RGPD3: variants seen among roughly 807,000 people sequenced by gnomAD.
The protein encoded by RGPD3 is RANBP2 like and GRIP domain containing 3.
A neutral mutation model predicts 154.5 loss-of-function variants in RGPD3; 62 were observed. The observed-to-expected ratio is 0.40, with a 90% confidence interval of 0.33 to 0.50. The LOEUF (loss-of-function observed/expected upper bound fraction) is 0.50. Ranked by LOEUF, RGPD3 falls within the 20% of genes least tolerant of loss-of-function variation. RGPD3 has a pLI of 0.59. For missense variants in RGPD3, 919 were observed against 1,716.8 expected, an observed-to-expected ratio of 0.54 and a Z score of 8.21; for synonymous variants, 308 against 607.0, an observed-to-expected ratio of 0.51 and a Z score of 7.24.
chr2:106,445,188 CT>C (rs1159665305), intron 7 of RGPD3, among the ~76,000 whole-genome samples: 1 of 133,158 alleles, frequency 7.5e-6, no homozygotes, highest in Non-Finnish European at 1.6e-5. Context: ...ACTCGGGAGG[CT>C]GAGGCAGGAG....
chr2:106,468,195 G>A (rs372006418), intron 1 of RGPD3, 22 bp downstream of exon 1: 2 of 1,595,124 alleles, frequency 1.3e-6, no homozygotes, highest in South Asian at 2.3e-5. Context: ...CGAGGCCGTC[G>A]GTCTCTTCCA....
At chr2:106,412,301 T>TGTTTTG (rs1479823883) in intron 22 of RGPD3, among the ~76,000 whole-genome samples, 3 of 54,728 alleles carry the variant, frequency 5.5e-5, no homozygotes, top group East Asian at 1.1e-3. Flanking sequence ...TAGTTTTTTT[T>TGTTTTG]TTTTTTTTTT....
chr2:106,422,948 C>T (rs1677041057), intron 20 of RGPD3, 95 bp downstream of exon 20: 17 of 1,598,854 alleles, frequency 1.1e-5, no homozygotes, highest in South Asian at 2.2e-5. Flanking sequence ...AAGCATCGTT[C>T]ATATCCCAAC....
chr2:106,470,126 G>T (rs1438895670), upstream of RGPD3, among the ~76,000 whole-genome samples: 9 of 152,106 alleles, frequency 5.9e-5, no homozygotes, highest in Non-Finnish European at 1.2e-4. Context: ...ATAAAGCACT[G>T]AGAACAATGC....
chr2:106,462,242 A>G (rs1298450635), intron 1 of RGPD3, among the ~76,000 whole-genome samples: 10 of 149,962 alleles, frequency 6.7e-5, no homozygotes, highest in Admixed American at 6.6e-5. Flanking sequence ...ATAATAGAAA[A>G]ATAATTCCAT....
chr2:106,424,925 T>G lies in RGPD3; in HGVS notation c.3042A>C (p.Lys1014Asn), dbSNP rs752976081. Residue 1014 changes from lysine to asparagine, a missense_variant, in exon 20 of 23, where the codon AAA becomes AAC. By Grantham distance (94) the Lys-to-Asn change is moderately conservative. Coordinates refer to ENST00000409886, the MANE Select transcript of RGPD3 (RefSeq NM_001144013.2). The stretch of plus-strand genomic sequence containing the variant: ...TCTCAAAGTCACCGGAAGTGTTTGC[T>G]TTATTGGCCATTTTACCGTATTGTG... ...FSSQYGKMAN[K>N]ANTSGDFEKD... is the part of the protein sequence containing the mutation. 10 of 1,611,790 alleles carry G rather than the reference T, an allele frequency of 6.2e-6. No homozygotes were observed. Among genetic ancestry groups the G allele is most frequent in the Non-Finnish European group, 3.4e-6 (4 of 1,179,846 alleles).
Position 106,412,293 on chromosome 2 carries a change from G to GTTTTTT in RGPD3, c.5266+785_5266+790dup, listed in dbSNP as rs772813472. ...GGAAACCAACTCTAACTACATCATA[G>GTTTTTT]TTTTTTTTTTTTTTTTTTTTTTTTT... On this transcript the variant is annotated intron_variant, in intron 22 of 22. Coordinates refer to ENST00000409886, the MANE Select transcript of RGPD3 (RefSeq NM_001144013.2). 8.9e-5 allele frequency among the ~76,000 whole-genome samples: 4 copies of GTTTTTT among 45,028 alleles called. 1 individual carries two copies. The highest frequency in any genetic ancestry group is 8.1e-4 in the Admixed American group (2 of 2,484). 29.5% of individuals were successfully genotyped at this position (45,028 alleles called of 152,430 possible).
At chr2:106,455,204 G>T (rs1332976743) in intron 4 of RGPD3, among the ~76,000 whole-genome samples, 2 of 150,296 alleles carry the variant, frequency 1.3e-5, no homozygotes, top group Non-Finnish European at 3.0e-5. Context: ...AGGTTAAATT[G>T]TGGACCATGA....
At chr2:106,410,626 T>A (rs1275137377) in intron 22 of RGPD3, among the ~76,000 whole-genome samples, 1 of 152,178 alleles carries the variant, frequency 6.6e-6, no homozygotes, top group Non-Finnish European at 1.5e-5. Context: ...AATGCAAACG[T>A]TCTTAAAGTC....
chr2:106,463,038 A>G (rs1207442696), intron 1 of RGPD3, among the ~76,000 whole-genome samples: 1 of 151,278 alleles, frequency 6.6e-6, no homozygotes, highest in Non-Finnish European at 1.5e-5. Flanking sequence ...GGTCAAAGAA[A>G]TAATACAAGA....
chr2:106,441,513 A>T lies in RGPD3; in HGVS notation c.979-133T>A, dbSNP rs1677740718. ...AACCATTAATTAAACTGAATTGGAA[A>T]AGACTGCAAAAACTGGGAACCAAGG... On this transcript the variant is annotated intron_variant, in intron 7 of 22. Coordinates refer to ENST00000409886, the MANE Select transcript of RGPD3 (RefSeq NM_001144013.2). The T allele has an allele frequency of 4.0e-6, 5 of 1,239,838 alleles. No individual in the cohort carries two copies. In the Admixed American group the frequency reaches 7.9e-5, roughly 20 times the overall value. The allele number at this position is 1,239,838 out of a possible 1,614,324, so 76.8% of individuals were successfully genotyped here. A position where few individuals can be genotyped will look rare whatever the true frequency, so the allele number is the denominator to read the frequency against.
At chr2:106,414,152 T>C (rs1049973701) in intron 21 of RGPD3, among the ~76,000 whole-genome samples, 5 of 151,858 alleles carry the variant, frequency 3.3e-5, no homozygotes, top group Non-Finnish European at 7.4e-5. Context: ...AAAAAGGTAA[T>C]ATCATGTTCA....
intron 7 of RGPD3, among the ~76,000 whole-genome samples, chr2:106,441,999 G>C (rs1173071659): frequency 1.5e-5 from 2 of 137,530 alleles, no homozygotes; most frequent in Non-Finnish European, 3.1e-5. Flanking sequence ...GAACAACACG[G>C]TGAGACCCTA....
intron 1 of RGPD3, among the ~76,000 whole-genome samples, chr2:106,465,815 C>T (rs911130832): frequency 7.9e-5 from 12 of 151,342 alleles, no homozygotes; most frequent in Admixed American, 3.3e-4. Context: ...TGGAGTGGAG[C>T]TGGACCCTTA....
At chr2:106,438,024 C>T (rs1558849401) in intron 9 of RGPD3, among the ~76,000 whole-genome samples, 2 of 152,208 alleles carry the variant, frequency 1.3e-5, no homozygotes, top group African/African-American at 2.4e-5. Flanking sequence ...CTCCACCTCC[C>T]GGTTGAAGCG....
At chr2:106,450,494 C>A (rs1203637500) in intron 6 of RGPD3, among the ~76,000 whole-genome samples, 1 of 150,150 alleles carries the variant, frequency 6.7e-6, no homozygotes, top group South Asian at 2.1e-4. Context: ...TCCCGAGTGA[C>A]TCCATTCCCA....
At chr2:106,431,547 C>T (rs1296515602) in intron 17 of RGPD3, among the ~76,000 whole-genome samples, 560 of 151,510 alleles carry the variant, frequency 3.7e-3, no homozygotes, top group African/African-American at 0.013. Context: ...CCACAGAATA[C>T]AATGTTGGGA....
chr2:106,405,557 G>T (rs796505711), intron 22 of RGPD3, among the ~76,000 whole-genome samples: 1,484 of 132,534 alleles, frequency 0.011, 19 homozygotes, highest in African/African-American at 0.039. Context: ...TTTGTTTTTT[G>T]GTAGAGATGC....
In RGPD3 at chr2:106,404,074, T is replaced by A. The variant is rs1170631063; in HGVS notation, c.*1145A>T. ...ACCACCTAAGGTTATTCAGAGGAAC[T>A]GTGAAGATGTAGCACGGACCTCTAA... On this transcript the variant is annotated 3_prime_UTR_variant, in exon 23 of 23. Coordinates refer to ENST00000409886, the MANE Select transcript of RGPD3 (RefSeq NM_001144013.2). 6.6e-6 allele frequency among the ~76,000 whole-genome samples: 1 copy of A among 152,124 alleles called. No individual in the cohort carries two copies. The highest frequency in any genetic ancestry group is 2.4e-5 in the African/African-American group (1 of 41,354).
Sources: gnomAD v4.1 joint callset for allele counts (sites outside exome capture counted in the v4.1 genomes callset) on GRCh38, gnomAD v4.1.1 for gene constraint, MANE v1.5 for transcripts, NCBI Gene and HGNC (gene_info 2026-07-23, HGNC 2026-07-21) for gene names.